The following JMJD1C variants were observed in gnomAD, a reference collection of about 807,000 sequenced individuals.
JMJD1C encodes jumonji domain containing 1C, also known as jumonji domain-containing protein 1C.
In JMJD1C, 31 loss-of-function variants were observed where a neutral mutation model predicts 245.3. The observed-to-expected ratio is 0.13, with a 90% CI of 0.09 to 0.17. The LOEUF (loss-of-function observed/expected upper bound fraction) is 0.17. JMJD1C is among the 10% of genes least tolerant of loss of function. The pLI, the probability that JMJD1C is intolerant of heterozygous loss-of-function variation, is 1.00. For missense variants in JMJD1C, 2,691 were observed against 3,000.2 expected, an observed-to-expected ratio of 0.90 and a Z score of 2.41; for synonymous variants, 1,057 against 1,017.4, an observed-to-expected ratio of 1.04 and a Z score of -0.74.
intron 22 of JMJD1C, 57 bp from the exon 23 acceptor site, chr10:63,177,913 C>A (rs1299568264): frequency 6.4e-6 from 10 of 1,568,208 alleles, no homozygotes; most frequent in Non-Finnish European, 8.7e-6. Flanking sequence ...AAAGCCAAGT[C>A]TCCTAAAGTT....
At chr10:63,337,593 G>GAA (rs1205613817) in intron 2 of JMJD1C, among the ~76,000 whole-genome samples, 3 of 106,464 alleles carry the variant, frequency 2.8e-5, no homozygotes, top group African/African-American at 6.0e-5. Context: ...GAAAAGAAAA[G>GAA]AAAAGAAAAG....
rs184415327 is a variant in JMJD1C at position 63,464,614 on chromosome 10, C to T, written c.168+881G>A. 2.0e-3 allele frequency among the ~76,000 whole-genome samples: 311 copies of T among 151,812 alleles called. 1 individual carries two copies. Among genetic ancestry groups the T allele is most frequent in the South Asian group, 3.5e-3 (17 of 4,798 alleles). On this transcript the variant is annotated intron_variant, in intron 1 of 25. Coordinates refer to ENST00000399262, the MANE Select transcript of JMJD1C (RefSeq NM_032776.3). ...TCCCTCAGTGAGAATGTACTTGGAACACAACAGAGCATATTACAGCTCAAT... is the reference window on the plus strand; with the variant it reads ...TCCCTCAGTGAGAATGTACTTGGAATACAACAGAGCATATTACAGCTCAAT...
At chr10:63,203,920 T>C in intron 10 of JMJD1C, 2 of 977,996 alleles carry the variant, frequency 2.0e-6, no homozygotes, top group Non-Finnish European at 2.4e-6. Context: ...AAATAGACAT[T>C]ATTTAATCCA....
chr10:63,191,073 CTTT>C lies in JMJD1C; in HGVS notation c.6109_6111del (p.Lys2037del). 1 of 1,613,890 alleles carries C rather than the reference CTTT, an allele frequency of 6.2e-7. No individual in the cohort carries two copies. Reference sequence around the variant, plus strand: ...TCAGAGTTGTCTTGTTCTCTTTCTTCTTTAATTTGGTTTTCAAGGGTAAGTTCT... The same window carrying C: ...TCAGAGTTGTCTTGTTCTCTTTCTTCAATTTGGTTTTCAAGGGTAAGTTCT... On this transcript the variant is annotated inframe_deletion, in exon 17 of 26. Coordinates refer to ENST00000399262, the MANE Select transcript of JMJD1C (RefSeq NM_032776.3).
intron 2 of JMJD1C, among the ~76,000 whole-genome samples, chr10:63,347,210 A>C (rs1392826837): frequency 6.6e-6 from 1 of 151,860 alleles, no homozygotes; most frequent in Non-Finnish European, 1.5e-5. Context: ...CTAAGATTAC[A>C]GGTACCTGCC....
intron 1 of JMJD1C, among the ~76,000 whole-genome samples, chr10:63,511,167 A>T (rs1324923976): frequency 1.3e-5 from 2 of 152,180 alleles, no homozygotes; most frequent in Non-Finnish European, 1.5e-5. Context: ...AACCACAGTG[A>T]TTATTGATAT....
intron 2 of JMJD1C, among the ~76,000 whole-genome samples, chr10:63,324,042 T>TC (rs1270112153): frequency 6.7e-6 from 1 of 149,864 alleles, no homozygotes; most frequent in Non-Finnish European, 1.5e-5. Context: ...CGTCTGCCTT[T>TC]TTTTTTTTTT....
In JMJD1C at chr10:63,207,906, G is replaced by A. The variant is rs1481947730; in HGVS notation, c.3763C>T (p.Pro1255Ser). 3 of 1,613,976 alleles carry A rather than the reference G, an allele frequency of 1.9e-6. No homozygotes were observed. In the African/African-American group the frequency reaches 4.0e-5, roughly 22 times the overall value. ...TTTGCCTGGGAGTCTTTTGGTTCGGGTATTAGAGTTGGAGGCTTCTGTGAT... is the reference window on the plus strand; with the variant it reads ...TTTGCCTGGGAGTCTTTTGGTTCGGATATTAGAGTTGGAGGCTTCTGTGAT... ...QESQKPPTLI[P>S]EPKDSQANFK... The change falls in exon 10 of 26, where the codon CCC becomes TCC. Residue 1255 changes from proline (P) to serine (S), a missense_variant. Physicochemically the swap from Pro to Ser is moderately conservative, Grantham distance 74 (BLOSUM62 -1). Around this residue, in one of 9 missense-constraint regions of JMJD1C, gnomAD observed 1,562 missense variants for 1,490.7 expected, o/e 1.05. Coordinates refer to ENST00000399262, the MANE Select transcript of JMJD1C (RefSeq NM_032776.3).
Position 63,413,214 on chromosome 10 carries a change from G to T in JMJD1C, c.169-32732C>A, listed in dbSNP as rs559892801. 5.3e-5 allele frequency among the ~76,000 whole-genome samples: 8 copies of T among 152,214 alleles called. No homozygotes were observed. The South Asian group carries it at 1.4e-3, about 28-fold the overall frequency. ...GTATATGTGTGTTATCTCTTAAAGAGGTAACAGGAAAAGAGGTCAAAGACA... is the reference window on the plus strand; with the variant it reads ...GTATATGTGTGTTATCTCTTAAAGATGTAACAGGAAAAGAGGTCAAAGACA... On this transcript the variant is annotated intron_variant, in intron 1 of 25. Transcript: ENST00000399262.
chr10:63,423,963 C>T (rs1564905295), intron 1 of JMJD1C, among the ~76,000 whole-genome samples: 2 of 152,160 alleles, frequency 1.3e-5, no homozygotes, highest in African/African-American at 4.8e-5. Flanking sequence ...TATTCAAGCC[C>T]TTTTCCCATT....
At chr10:63,332,164 C>CT (rs1377619473) in intron 2 of JMJD1C, among the ~76,000 whole-genome samples, 1 of 152,110 alleles carries the variant, frequency 6.6e-6, no homozygotes, top group African/African-American at 2.4e-5. Flanking sequence ...TAGATGAAGT[C>CT]TAAGTTAGGC....
intron 2 of JMJD1C, among the ~76,000 whole-genome samples, chr10:63,282,496 C>T (rs1857527175): frequency 6.6e-6 from 1 of 152,158 alleles, no homozygotes; most frequent in Non-Finnish European, 1.5e-5. Context: ...AAAGACTATA[C>T]TGAAAGAGAG....
chr10:63,264,849 CAA>C, intron 2 of JMJD1C, 85 bp from the exon 3 acceptor site: 1 of 670,874 alleles, frequency 1.5e-6, no homozygotes, highest in South Asian at 1.7e-5. Flanking sequence ...TACAATGTAT[CAA>C]TGTCATTATC....
intron 24 of JMJD1C, among the ~76,000 whole-genome samples, chr10:63,175,412 T>C (rs1842789438): frequency 6.6e-6 from 1 of 152,226 alleles, no homozygotes; most frequent in African/African-American, 2.4e-5. Flanking sequence ...TACTGTATCA[T>C]AAATGCCATT....
intron 1 of JMJD1C, among the ~76,000 whole-genome samples, chr10:63,381,522 ACT>A (rs1342759999): frequency 1.3e-5 from 2 of 152,218 alleles, no homozygotes; most frequent in Non-Finnish European, 2.9e-5. Context: ...ACAGAATGAG[ACT>A]CTGTCTATTC....
intron 2 of JMJD1C, among the ~76,000 whole-genome samples, chr10:63,323,433 T>C (rs1941141578): frequency 1.3e-5 from 1 of 78,256 alleles, no homozygotes; most frequent in African/African-American, 2.9e-5. Context: ...GGCAGAAGAA[T>C]CACTTGAACC....
intron 3 of JMJD1C, among the ~76,000 whole-genome samples, chr10:63,260,068 A>C (rs1318464600): frequency 2.6e-5 from 4 of 152,144 alleles, no homozygotes; most frequent in African/African-American, 4.8e-5. Context: ...TCATTCCTTC[A>C]GGTCTAGGAT....
chr10:63,488,534 T>A (rs1954068465), intron 1 of JMJD1C, among the ~76,000 whole-genome samples: 2 of 60,858 alleles, frequency 3.3e-5, no homozygotes, highest in African/African-American at 6.1e-5. Flanking sequence ...GAGTTGAAAA[T>A]GAATGTTAAA....
intron 1 of JMJD1C, among the ~76,000 whole-genome samples, chr10:63,402,133 CA>C (rs35050584): frequency 2.4e-5 from 2 of 83,464 alleles, no homozygotes; most frequent in Non-Finnish European, 5.4e-5. Flanking sequence ...AACTCCGTCT[CA>C]AAAAAAAAGA....
Sources: gnomAD v4.1 joint callset for allele counts (sites outside exome capture counted in the v4.1 genomes callset) on GRCh38, gnomAD v4.1.1 for gene constraint, gnomAD v4.1.1 regional missense constraint, MANE v1.5 for transcripts, NCBI Gene and HGNC (gene_info 2026-07-23, HGNC 2026-07-21) for gene names.